The following EBF1 variants were observed in gnomAD, a reference collection of about 807,000 sequenced individuals.
EBF1 encodes the protein transcription factor COE1.
In EBF1, 10 loss-of-function variants were observed where a neutral mutation model predicts 68.4. The observed-to-expected ratio is 0.15, with a 90% CI of 0.09 to 0.25. EBF1 has a LOEUF of 0.25. EBF1 is among the 10% of genes least tolerant of loss of function. The pLI is 1.00. For synonymous variants in EBF1, 298 were observed against 299.8 expected (o/e 0.99, Z 0.06); for missense variants, 509 against 794.4 (o/e 0.64, Z 4.32).
chr5:158,754,179 T>C (rs1025918917), intron 10 of EBF1, among the ~76,000 whole-genome samples: 21 of 152,120 alleles, frequency 1.4e-4, no homozygotes, highest in African/African-American at 4.3e-4. Context: ...CATGAAGCTC[T>C]AGCAGAAGTT....
intron 7 of EBF1, among the ~76,000 whole-genome samples, chr5:158,838,645 A>T (rs1173817369): frequency 6.6e-6 from 1 of 152,162 alleles, no homozygotes; most frequent in Non-Finnish European, 1.5e-5. Flanking sequence ...GGAGACTAAG[A>T]GATATTGACA....
chr5:158,846,148 A>C (rs1180618302), intron 6 of EBF1, among the ~76,000 whole-genome samples: 1 of 152,204 alleles, frequency 6.6e-6, no homozygotes, highest in Non-Finnish European at 1.5e-5. Context: ...GCAGATATTC[A>C]GGACACGGAG....
intron 6 of EBF1, among the ~76,000 whole-genome samples, chr5:159,061,674 A>T (rs567605010): frequency 6.6e-6 from 1 of 151,980 alleles, no homozygotes; most frequent in African/African-American, 2.4e-5. Flanking sequence ...GAAGAATCGA[A>T]ACATGGCTCA....
chr5:158,966,806 C>G (rs1044566300), intron 6 of EBF1, among the ~76,000 whole-genome samples: 1 of 152,192 alleles, frequency 6.6e-6, no homozygotes, highest in Admixed American at 6.5e-5. Context: ...TTTAGACAAG[C>G]AAGTCCTGAT....
At chr5:158,995,324 G>A (rs1761173214) in intron 6 of EBF1, among the ~76,000 whole-genome samples, 1 of 152,150 alleles carries the variant, frequency 6.6e-6, no homozygotes, top group African/African-American at 2.4e-5. Flanking sequence ...TATTTAACAA[G>A]GCACAATGGT....
At chr5:158,864,634 GATA>G (rs1197207637) in intron 6 of EBF1, among the ~76,000 whole-genome samples, 1 of 152,154 alleles carries the variant, frequency 6.6e-6, no homozygotes, top group East Asian at 1.9e-4. Flanking sequence ...GTTAAAAAAA[GATA>G]ATGTCAGTTA....
At chr5:158,699,500 C>CTCTT (rs1756292562) in intron 15 of EBF1, among the ~76,000 whole-genome samples, 1 of 152,182 alleles carries the variant, frequency 6.6e-6, no homozygotes, top group South Asian at 2.1e-4. Flanking sequence ...CACTTTGTCA[C>CTCTT]TCTTTTTTCC....
At chr5:159,016,733 G>T (rs1352567777) in intron 6 of EBF1, among the ~76,000 whole-genome samples, 1 of 152,200 alleles carries the variant, frequency 6.6e-6, no homozygotes, top group African/African-American at 2.4e-5. Context: ...ATCGAAACCT[G>T]AGCTCAAAGC....
In EBF1 at chr5:158,840,080, G is replaced by A; in HGVS notation, c.585C>T (p.Asn195=). The change falls in exon 7 of 16, where the codon AAC becomes AAT. Residue 195 remains asparagine (N), a synonymous_variant. Transcript: ENST00000313708. ...TTCCCGCATTCTTTAGGCAATTTTG[G>A]TTACATTTGAGGAAAAATTTCAAGA... ...RFFLKFFLKC[N]QNCLKNAGNP... is the part of the protein sequence containing the mutation. The A allele has an allele frequency of 6.2e-7, 1 of 1,614,020 alleles. No individual in the cohort carries two copies. Among genetic ancestry groups the A allele is most frequent in the Non-Finnish European group, 8.5e-7 (1 of 1,179,946 alleles).
At position 159,073,472 on chromosome 5, in the gene EBF1, G is replaced by T; in HGVS notation, c.486-8C>A. ...TTCTTGTCACAACAGCGGCTATGGA[G>T]CAAAAGCGAAAGGATTTAGTACAAC... On this transcript the variant is annotated splice_region_variant and splice_polypyrimidine_tract_variant and intron_variant, in intron 5 of 15. Transcript: ENST00000313708. 6.2e-7 allele frequency: 1 copy of T among 1,613,980 alleles called. No individual in the cohort carries two copies. Among genetic ancestry groups the T allele is most frequent in the Non-Finnish European group, 8.5e-7 (1 of 1,179,914 alleles).
At chr5:159,087,277 C>CAT (rs201855021) in intron 4 of EBF1, among the ~76,000 whole-genome samples, 10 of 137,136 alleles carry the variant, frequency 7.3e-5, no homozygotes, top group South Asian at 4.4e-4. Context: ...TACACACACA[C>CAT]ATATATATAT....
At chr5:158,782,668 A>G (rs1195205128) in intron 9 of EBF1, among the ~76,000 whole-genome samples, 1 of 152,122 alleles carries the variant, frequency 6.6e-6, no homozygotes, top group Non-Finnish European at 1.5e-5. Flanking sequence ...CAGAAAAAAT[A>G]ATAAAATAAA....
intron 6 of EBF1, among the ~76,000 whole-genome samples, chr5:158,923,259 C>T (rs1207369816): frequency 6.6e-6 from 1 of 152,196 alleles, no homozygotes; most frequent in Non-Finnish European, 1.5e-5. Context: ...TAACAGCTGC[C>T]TGAAAAGCTT....
intron 6 of EBF1, among the ~76,000 whole-genome samples, chr5:158,888,091 A>G (rs1037659269): frequency 6.6e-6 from 1 of 152,214 alleles, no homozygotes; most frequent in African/African-American, 2.4e-5. Context: ...CAGAAGTCAC[A>G]TCCTTTTCTC....
intron 5 of EBF1, among the ~76,000 whole-genome samples, chr5:159,075,259 A>G (rs912797732): frequency 6.6e-6 from 1 of 152,096 alleles, no homozygotes; most frequent in Non-Finnish European, 1.5e-5. Context: ...AGCCACAATG[A>G]AGCATCATTA....
At chr5:158,928,244 A>G (rs1810092317) in intron 6 of EBF1, among the ~76,000 whole-genome samples, 1 of 152,234 alleles carries the variant, frequency 6.6e-6, no homozygotes, top group Admixed American at 6.5e-5. Context: ...AGGCTTGTAA[A>G]GATCAAATGA....
At chr5:159,076,727 C>T (rs1368107022) in intron 5 of EBF1, among the ~76,000 whole-genome samples, 2 of 152,204 alleles carry the variant, frequency 1.3e-5, no homozygotes, top group Non-Finnish European at 2.9e-5. Context: ...CTGAAATGAG[C>T]TACTCCGGCT....
rs1489786714 is a variant in EBF1, at chr5:158,925,914, A to G, written c.555-85804T>C. Among the ~76,000 whole-genome samples the G allele has an allele frequency of 2.6e-5, 4 of 152,204 alleles. No individual in the cohort carries two copies. The East Asian group carries it at 7.7e-4, about 29-fold the overall frequency. On this transcript the variant is annotated intron_variant, in intron 6 of 15. Coordinates refer to ENST00000313708, the MANE Select transcript of EBF1 (RefSeq NM_024007.5). The stretch of plus-strand genomic sequence containing the variant: ...TAATACATAAGAACAGAAACAGTCC[A>G]CAATATTATTCCCACTACCCATGTG...
intron 6 of EBF1, among the ~76,000 whole-genome samples, chr5:159,024,876 C>T (rs1206008492): frequency 3.3e-5 from 5 of 152,150 alleles, no homozygotes; most frequent in Non-Finnish European, 7.4e-5. Context: ...GAATGGCCAG[C>T]CATCAACCAG....
Sources: allele counts gnomAD v4.1 joint callset (sites outside exome capture counted in the v4.1 genomes callset), GRCh38; gene constraint gnomAD v4.1.1; transcripts MANE v1.5; gene names NCBI Gene and HGNC (gene_info 2026-07-23, HGNC 2026-07-21).